Variants in TANC1 observed in about 807,000 individuals in gnomAD.
TANC1 encodes protein TANC1.
TANC1 carries 77 observed loss-of-function variants against 149.7 expected under a neutral mutation model. That is an observed-to-expected ratio of 0.51 (90% CI 0.43 to 0.62). The LOEUF (loss-of-function observed/expected upper bound fraction) is 0.62, where lower values mean the gene tolerates loss of function less well. TANC1 is among the 20% of genes least tolerant of loss of function. The probability of loss-of-function intolerance (pLI) is 0.00; values close to 1 mark genes in which losing one functional copy is unlikely to be tolerated. For missense variants in TANC1, 1,985 were observed against 2,321.8 expected (o/e 0.85, Z 2.98); for synonymous variants, 854 against 925.0 (o/e 0.92, Z 1.39).
At chr2:159,003,642 A>G (rs545047934) in intron 2 of TANC1, among the ~76,000 whole-genome samples, 4 of 152,324 alleles carry the variant, frequency 2.6e-5, no homozygotes, top group African/African-American at 7.2e-5. Context: ...TTCATTAACA[A>G]TATTTGGGTT....
At chr2:159,036,200 A>G (rs1413194188) in intron 2 of TANC1, among the ~76,000 whole-genome samples, 1 of 152,078 alleles carries the variant, frequency 6.6e-6, no homozygotes, top group Non-Finnish European at 1.5e-5. Context: ...AACCTCAGGT[A>G]TTTGAGCTAC....
At chr2:159,120,095 C>T (rs1462809657) in intron 4 of TANC1, among the ~76,000 whole-genome samples, 1 of 152,192 alleles carries the variant, frequency 6.6e-6, no homozygotes, top group Non-Finnish European at 1.5e-5. Flanking sequence ...GGACTGTGGG[C>T]TACTCCTGAC....
intron 19 of TANC1, among the ~76,000 whole-genome samples, chr2:159,214,532 T>C (rs1048049178): frequency 6.6e-6 from 1 of 152,220 alleles, no homozygotes; most frequent in Non-Finnish European, 1.5e-5. Context: ...CAGCACTGAC[T>C]TCTCATGAGG....
At chr2:159,227,702 A>G in intron 24 of TANC1, 117 bp from the exon 25 acceptor site, 2 of 1,134,128 alleles carry the variant, frequency 1.8e-6, no homozygotes, top group South Asian at 1.4e-5. Flanking sequence ...GGATGCTTTC[A>G]ATGTTCTGTC....
At chr2:159,020,903 G>T (rs1431729222) in intron 2 of TANC1, among the ~76,000 whole-genome samples, 2 of 151,494 alleles carry the variant, frequency 1.3e-5, no homozygotes, top group African/African-American at 4.9e-5. Context: ...GGGTCCAGTT[G>T]TGTCTTTTTA....
rs1329598545 is a variant in TANC1 at position 159,171,868 on chromosome 2, A to AG, written c.1352-253_1352-252insG. On this transcript the variant is annotated intron_variant, in intron 10 of 26. Coordinates refer to ENST00000263635, the MANE Select transcript of TANC1 (RefSeq NM_033394.3). ...TGAGACTCCGCCTTAAAAAAAAAAA[A>AG]AAAAAAAGAAAAAGAAAAAAAAAAT... 9.1e-4 allele frequency among the ~76,000 whole-genome samples: 89 copies of AG among 97,740 alleles called. 2 individuals carry two copies. The highest frequency in any genetic ancestry group is 1.6e-3 in the Non-Finnish European group (64 of 40,688). 64.1% of individuals were successfully genotyped at this position (97,740 alleles called of 152,430 possible). A position where few individuals can be genotyped will look rare whatever the true frequency, so the allele number is the denominator to read the frequency against.
intron 2 of TANC1, among the ~76,000 whole-genome samples, chr2:159,025,843 G>T (rs1347684994): frequency 1.3e-5 from 2 of 152,122 alleles, no homozygotes; most frequent in Non-Finnish European, 2.9e-5. Flanking sequence ...GCCTTTTCAG[G>T]GATTCAGTGA....
intron 7 of TANC1, among the ~76,000 whole-genome samples, chr2:159,157,675 T>G (rs2053581335): frequency 6.6e-6 from 1 of 152,276 alleles, no homozygotes; most frequent in East Asian, 1.9e-4. Context: ...TATTCACTTC[T>G]TCCTTTCATC....
At chr2:158,975,908 A>G (rs1201170480) in intron 1 of TANC1, among the ~76,000 whole-genome samples, 1 of 148,240 alleles carries the variant, frequency 6.7e-6, no homozygotes, top group African/African-American at 2.5e-5. Context: ...ATCATGGCTC[A>G]CTGTAGCCTC....
intron 1 of TANC1, among the ~76,000 whole-genome samples, chr2:158,986,895 G>C (rs969595220): frequency 2.0e-5 from 3 of 152,018 alleles, no homozygotes; most frequent in Non-Finnish European, 4.4e-5. Context: ...GTGGACCTTT[G>C]GCAAGAGATT....
rs374465130 is a variant in TANC1 at position 159,187,019 on chromosome 2, G to C, written c.2737G>C (p.Val913Leu). 2.6e-5 allele frequency: 42 copies of C among 1,614,102 alleles called. No homozygotes were observed. In the East Asian group the frequency reaches 8.7e-4, roughly 33 times the overall value. The change falls in exon 16 of 27, where the codon GTG becomes CTG. Residue 913 changes from valine (V) to leucine (L), a missense_variant. Around this residue, in one of 3 missense-constraint regions of TANC1, gnomAD observed 508 missense variants for 714.2 expected, o/e 0.71. Transcript: ENST00000263635. ...ASLRNLYTPN[V>L]KVSRLLILGG... ...TCTCAGGAATCTCTATACTCCCAAC[G>C]TGAAGGTGAGCAACCTTCTGCACAG...
chr2:159,008,003 CGT>C, intron 2 of TANC1, among the ~76,000 whole-genome samples: 1 of 152,170 alleles, frequency 6.6e-6, no homozygotes, highest in East Asian at 1.9e-4. Flanking sequence ...CAATCCTTTA[CGT>C]GTTTCTGGAC....
At chr2:159,043,189 A>G (rs1464906305) in intron 2 of TANC1, among the ~76,000 whole-genome samples, 1 of 151,850 alleles carries the variant, frequency 6.6e-6, no homozygotes, top group Non-Finnish European at 1.5e-5. Context: ...CTGCTTTGGG[A>G]TTTTTGGGGA....
chr2:159,084,396 G>T (rs2044621580), intron 3 of TANC1, among the ~76,000 whole-genome samples: 1 of 152,182 alleles, frequency 6.6e-6, no homozygotes, highest in African/African-American at 2.4e-5. Flanking sequence ...TAAGTTGGTA[G>T]TATTTTTGAA....
At chr2:159,050,363 G>C (rs574965984) in intron 2 of TANC1, among the ~76,000 whole-genome samples, 10 of 152,270 alleles carry the variant, frequency 6.6e-5, no homozygotes, top group Admixed American at 1.3e-4. Flanking sequence ...TTGATTACAG[G>C]TGTGAGCCAC....
chr2:159,217,393 T>C, intron 19 of TANC1, 104 bp from the exon 20 acceptor site: 4 of 1,475,434 alleles, frequency 2.7e-6, no homozygotes, highest in Non-Finnish European at 3.7e-6. Context: ...GGGGAGGACA[T>C]ATAGACCCCA....
At chr2:159,187,703 T>C (rs910487319) in intron 16 of TANC1, among the ~76,000 whole-genome samples, 24 of 152,200 alleles carry the variant, frequency 1.6e-4, no homozygotes, top group African/African-American at 4.8e-4. Flanking sequence ...CGGCTGCCTG[T>C]GGAAGCCCTG....
At chr2:159,026,606 G>A (rs1387568196) in intron 2 of TANC1, among the ~76,000 whole-genome samples, 1 of 152,146 alleles carries the variant, frequency 6.6e-6, no homozygotes, top group Non-Finnish European at 1.5e-5. Context: ...CATCTGGGAG[G>A]GCCTTCTTGC....
intron 19 of TANC1, among the ~76,000 whole-genome samples, chr2:159,211,152 T>G (rs1214230081): frequency 6.6e-6 from 1 of 152,264 alleles, no homozygotes; most frequent in Non-Finnish European, 1.5e-5. Flanking sequence ...ATTACAGGCA[T>G]GAGCCACTGC....
Sources: allele counts gnomAD v4.1 joint callset (sites outside exome capture counted in the v4.1 genomes callset), GRCh38; gene constraint gnomAD v4.1.1; regional missense constraint gnomAD v4.1.1; transcripts MANE v1.5; gene names NCBI Gene and HGNC (gene_info 2026-07-23, HGNC 2026-07-21).